RANBP17: variants seen among roughly 807,000 people sequenced by gnomAD.
RANBP17 encodes the protein RAN binding protein 17, also known as ran-binding protein 17.
RANBP17 carries 158 observed loss-of-function variants against 141.2 expected under a neutral mutation model. That is an observed-to-expected ratio of 1.12 (90% confidence interval 0.98 to 1.28). The LOEUF (loss-of-function observed/expected upper bound fraction) is 1.28, where lower values mean the gene tolerates loss of function less well. Among genes scored for constraint, RANBP17 ranks in the 50% most tolerant of loss-of-function variants. The probability of loss-of-function intolerance (pLI) is 0.00; values close to 1 mark genes in which losing one functional copy is unlikely to be tolerated. For synonymous variants in RANBP17, 430 were observed against 450.0 expected (o/e 0.96, Z 0.56); for missense variants, 1,438 against 1,290.7 (o/e 1.11, Z -1.75).
chr5:171,291,558 T>A (rs1323410423), intron 25 of RANBP17, among the ~76,000 whole-genome samples: 1 of 152,192 alleles, frequency 6.6e-6, no homozygotes, highest in Non-Finnish European at 1.5e-5. Flanking sequence ...CTCCTTTTAG[T>A]ATTCCTGTAT....
At chr5:170,886,613 T>A (rs746179414) in intron 3 of RANBP17, among the ~76,000 whole-genome samples, 4 of 151,818 alleles carry the variant, frequency 2.6e-5, no homozygotes, top group Admixed American at 2.6e-4. Flanking sequence ...TTCTTATTTT[T>A]AAAAATATTT....
intron 14 of RANBP17, among the ~76,000 whole-genome samples, chr5:171,137,785 C>A (rs140942229): frequency 4.8e-4 from 73 of 152,016 alleles, no homozygotes; most frequent in Admixed American, 1.3e-3. Flanking sequence ...GTATTCCTCC[C>A]ACTCTGATTC....
At chr5:170,944,857 C>A (rs1011206751) in intron 12 of RANBP17, among the ~76,000 whole-genome samples, 1 of 152,166 alleles carries the variant, frequency 6.6e-6, no homozygotes, top group Non-Finnish European at 1.5e-5. Flanking sequence ...GAAATTAGTA[C>A]AAATTTAAAT....
chr5:170,944,209 C>T (rs539803927), intron 12 of RANBP17, among the ~76,000 whole-genome samples: 1 of 152,256 alleles, frequency 6.6e-6, no homozygotes, highest in South Asian at 2.1e-4. Context: ...AATAGTTTAA[C>T]GTTTATGAGA....
chr5:170,911,231 A>T (rs1771503323), intron 7 of RANBP17, 97 bp downstream of exon 7: 6 of 1,087,620 alleles, frequency 5.5e-6, no homozygotes, highest in South Asian at 4.6e-5. Flanking sequence ...GCCAGGAATT[A>T]AAAAAATAGC....
chr5:170,904,924 T>G (rs1770956424), intron 5 of RANBP17, among the ~76,000 whole-genome samples: 1 of 152,182 alleles, frequency 6.6e-6, no homozygotes, highest in African/African-American at 2.4e-5. Context: ...AGGGATAGGT[T>G]TTATTCCAAC....
chr5:171,089,626 G>C (rs1340018279), intron 14 of RANBP17, among the ~76,000 whole-genome samples: 2 of 152,106 alleles, frequency 1.3e-5, no homozygotes, highest in African/African-American at 4.8e-5. Context: ...GTGGGCGTAG[G>C]ACCCTCCGAG....
At chr5:171,076,432 C>T (rs1784926034) in intron 14 of RANBP17, among the ~76,000 whole-genome samples, 1 of 152,166 alleles carries the variant, frequency 6.6e-6, no homozygotes, top group Non-Finnish European at 1.5e-5. Flanking sequence ...TATATCCTAG[C>T]TCCATCCACT....
chr5:171,033,404 A>G (rs912971296), intron 14 of RANBP17, among the ~76,000 whole-genome samples: 3 of 152,160 alleles, frequency 2.0e-5, no homozygotes, highest in African/African-American at 7.2e-5. Context: ...TAGAAAAAAT[A>G]TACTGCGTCC....
chr5:170,989,908 A>G (rs908262064), intron 14 of RANBP17, among the ~76,000 whole-genome samples: 2 of 151,816 alleles, frequency 1.3e-5, no homozygotes, highest in African/African-American at 4.8e-5. Flanking sequence ...AAGTATTAGC[A>G]AAAGGACAGA....
chr5:171,053,775 A>C (rs1783125026), intron 14 of RANBP17, among the ~76,000 whole-genome samples: 1 of 150,568 alleles, frequency 6.6e-6, no homozygotes. Flanking sequence ...CAGTGGTGAA[A>C]GTGGTCATCC....
intron 21 of RANBP17, among the ~76,000 whole-genome samples, chr5:171,214,831 G>A (rs1188884616): frequency 6.6e-6 from 1 of 151,646 alleles, no homozygotes; most frequent in Non-Finnish European, 1.5e-5. Flanking sequence ...AATACTAAAG[G>A]GAAAAAATCA....
At chr5:170,886,086 T>G (rs1482502231) in intron 3 of RANBP17, among the ~76,000 whole-genome samples, 1 of 152,100 alleles carries the variant, frequency 6.6e-6, no homozygotes. Context: ...GTTCTCTCTG[T>G]GGGGGTTCTC....
At chr5:171,271,597 A>T (rs1231971914) in intron 25 of RANBP17, 2 of 209,330 alleles carry the variant, frequency 9.6e-6, no homozygotes, top group East Asian at 7.3e-5. Context: ...ATCCTTAAAT[A>T]AAAAATATGC....
At chr5:171,258,118 TACAC>T (rs34304503) in intron 24 of RANBP17, among the ~76,000 whole-genome samples, 7,591 of 128,190 alleles carry the variant, frequency 0.059, 310 homozygotes, top group East Asian at 0.24. Context: ...AAAAAAAAAA[TACAC>T]ACACACACAC....
At chr5:171,063,498 G>A (rs990885335) in intron 14 of RANBP17, among the ~76,000 whole-genome samples, 4 of 152,202 alleles carry the variant, frequency 2.6e-5, no homozygotes, top group African/African-American at 7.2e-5. Context: ...CGCGAATGCT[G>A]CTGTCTGATC....
intron 3 of RANBP17, among the ~76,000 whole-genome samples, chr5:170,888,277 C>G (rs757347842): frequency 1.3e-5 from 2 of 152,130 alleles, no homozygotes; most frequent in African/African-American, 4.8e-5. Context: ...ATTGGGATTG[C>G]ATTGAATCTT....
rs1210057346 is a variant in RANBP17, at chr5:170,868,663, T to C, written c.18+6612T>C. 2.0e-5 allele frequency among the ~76,000 whole-genome samples: 3 copies of C among 152,212 alleles called. No individual in the cohort carries two copies. In the South Asian group the frequency reaches 6.2e-4, roughly 32 times the overall value. ...CTTAGTTATTTATATGGGCTTCTAA[T>C]GTTATCATTAAGACTTGTAGAAGCT... On this transcript the variant is annotated intron_variant, in intron 1 of 27. Transcript: ENST00000523189.
chr5:171,157,561 T>C (rs1490735252), intron 14 of RANBP17, among the ~76,000 whole-genome samples: 1 of 152,220 alleles, frequency 6.6e-6, no homozygotes, highest in African/African-American at 2.4e-5. Context: ...GCATTTCTAC[T>C]AAAACAATGT....
Sources: gnomAD v4.1 joint callset for allele counts (sites outside exome capture counted in the v4.1 genomes callset) on GRCh38, gnomAD v4.1.1 for gene constraint, MANE v1.5 for transcripts, NCBI Gene and HGNC (gene_info 2026-07-23, HGNC 2026-07-21) for gene names.